Variants in ZC3H13 observed in about 807,000 individuals in gnomAD.
The protein encoded by ZC3H13 is zinc finger CCCH domain-containing protein 13.
In ZC3H13, 64 loss-of-function variants were observed where a neutral mutation model predicts 204.1. The ratio of observed to expected loss-of-function variants is 0.31; its 90% confidence interval spans 0.26 to 0.39. ZC3H13 has a LOEUF of 0.39. Ranked by LOEUF, ZC3H13 falls within the 10% of genes least tolerant of loss-of-function variation. ZC3H13 has a pLI of 1.00. For missense variants in ZC3H13, 1,833 were observed against 2,082.7 expected (o/e 0.88, Z 2.33); for synonymous variants, 667 against 693.7 (o/e 0.96, Z 0.60).
chr13:46,029,427 CTTTTT>C (rs964729202), intron 4 of ZC3H13, among the ~76,000 whole-genome samples: 1 of 138,838 alleles, frequency 7.2e-6, no homozygotes. Context: ...TGGACTACTT[CTTTTT>C]TTTTTTTTTT....
intron 9 of ZC3H13, among the ~76,000 whole-genome samples, chr13:45,986,606 T>C (rs908705566): frequency 2.6e-5 from 4 of 152,136 alleles, no homozygotes; most frequent in African/African-American, 9.7e-5. Context: ...TAGAAACCAC[T>C]CTTTACATAT....
intron 8 of ZC3H13, among the ~76,000 whole-genome samples, chr13:45,994,912 G>T (rs1566234718): frequency 1.3e-5 from 2 of 151,848 alleles, no homozygotes; most frequent in Non-Finnish European, 2.9e-5. Context: ...AGGCCACTGG[G>T]TGCCAAGCAA....
rs753099379 is a variant in ZC3H13, at chr13:45,985,457, A to G, written c.1560T>C (p.Asp520=). ...REGRDTHRKE[D]TYPEESRSYG... ...AACTCCGGGATTCTTCTGGATATGT[A>G]TCCTCCTTTCGATGAGTATCTCGAC... Residue 520 remains aspartate (D), a synonymous_variant, in exon 10 of 19, where the codon GAT becomes GAC. Transcript: ENST00000679008. 3.1e-6 allele frequency: 5 copies of G among 1,614,158 alleles called. No individual in the cohort carries two copies. Among genetic ancestry groups the G allele is most frequent in the South Asian group, 1.1e-5 (1 of 91,080 alleles).
At chr13:46,008,505 T>C (rs1384328844) in intron 7 of ZC3H13, among the ~76,000 whole-genome samples, 1 of 152,100 alleles carries the variant, frequency 6.6e-6, no homozygotes, top group East Asian at 1.9e-4. Context: ...ATGACAAATA[T>C]TTATAATAGG....
At chr13:46,026,743 T>C (rs559073127) in intron 4 of ZC3H13, among the ~76,000 whole-genome samples, 2 of 152,194 alleles carry the variant, frequency 1.3e-5, no homozygotes, top group East Asian at 3.9e-4. Flanking sequence ...AGAGGAGAAC[T>C]TCCCGAAAAT....
chr13:45,957,970 G>A lies in ZC3H13; in HGVS notation c.4840-673C>T, dbSNP rs1593426696. On this transcript the variant is annotated intron_variant, in intron 18 of 18. Transcript: ENST00000679008. Reference sequence around the variant, plus strand: ...CATTTTTTGGAAAGTTATTGTCATAGAGAAGGGACCAGGGAATGTTACAAA... The same window carrying A: ...CATTTTTTGGAAAGTTATTGTCATAAAGAAGGGACCAGGGAATGTTACAAA... Among the ~76,000 whole-genome samples the A allele has an allele frequency of 2.6e-5, 4 of 152,264 alleles. No homozygotes were observed. The South Asian group carries it at 8.3e-4, about 32-fold the overall frequency.
At chr13:46,000,796 C>T (rs1275290087) in intron 8 of ZC3H13, among the ~76,000 whole-genome samples, 1 of 152,232 alleles carries the variant, frequency 6.6e-6, no homozygotes, top group African/African-American at 2.4e-5. Context: ...AGTATGCCTT[C>T]CTCACTAAGC....
rs1952949481 is a variant in ZC3H13 at position 45,975,481 on chromosome 13, T to C, written c.2270A>G (p.Glu757Gly). 1.9e-6 allele frequency: 3 copies of C among 1,613,562 alleles called. 1 individual carries two copies. The highest frequency in any genetic ancestry group is 3.3e-4 in the Middle Eastern group (2 of 6,062). Residue 757 changes from glutamate (E) to glycine (G), a missense_variant, in exon 12 of 19, where the codon GAG becomes GGG. Physicochemically the swap from Glu to Gly is moderately conservative, Grantham distance 98. Coordinates refer to ENST00000679008, the MANE Select transcript of ZC3H13 (RefSeq NM_001330564.2). ...CTCCCGTTCTCGCTCTCTCTCCCTC[T>C]CTCTCTCTTCTCTTTCTCGTTCCCG... Reference protein sequence around the residue: ...KEREREREERERERERERERE... With the variant: ...KEREREREERGRERERERERE...
chr13:46,021,810 A>T lies in ZC3H13; in HGVS notation c.340-1253T>A, dbSNP rs529248716. On this transcript the variant is annotated intron_variant, in intron 4 of 18. Transcript: ENST00000679008. ...AATATAATTTACTTTTACTCTTAAA[A>T]CATATTATGTGGAACATCAATGAAG... Among the ~76,000 whole-genome samples, 5 of 152,070 alleles carry T rather than the reference A, an allele frequency of 3.3e-5. No homozygotes were observed. The South Asian group carries it at 8.3e-4, about 25-fold the overall frequency.
intron 14 of ZC3H13, 152 bp from the exon 15 acceptor site, chr13:45,968,180 A>C: frequency 1.6e-6 from 1 of 620,222 alleles, no homozygotes; most frequent in South Asian, 4.4e-5. Context: ...TGTTCTATAT[A>C]TTTCTATATT....
chr13:45,988,358 A>T (rs931831184), intron 9 of ZC3H13, among the ~76,000 whole-genome samples: 1 of 152,132 alleles, frequency 6.6e-6, no homozygotes, highest in Non-Finnish European at 1.5e-5. Context: ...CCCGGGTTCA[A>T]GCAATTCTCC....
intron 4 of ZC3H13, among the ~76,000 whole-genome samples, chr13:46,036,702 TA>T (rs1326209780): frequency 6.6e-6 from 1 of 152,162 alleles, no homozygotes; most frequent in Non-Finnish European, 1.5e-5. Context: ...TAACATCAGT[TA>T]AAATATTATT....
At chr13:46,048,978 C>A (rs1447312857) in intron 1 of ZC3H13, among the ~76,000 whole-genome samples, 2 of 151,978 alleles carry the variant, frequency 1.3e-5, no homozygotes, top group South Asian at 4.1e-4. Context: ...ATGGTGAAAC[C>A]CCGTCTCTAC....
chr13:45,993,078 C>T (rs1024985278), intron 8 of ZC3H13, among the ~76,000 whole-genome samples: 16 of 152,090 alleles, frequency 1.1e-4, no homozygotes, highest in African/African-American at 3.6e-4. Context: ...CGAGGGAGGA[C>T]TGGAAACCAG....
chr13:45,986,945 C>A (rs944147211), intron 9 of ZC3H13, among the ~76,000 whole-genome samples: 2 of 152,160 alleles, frequency 1.3e-5, no homozygotes, highest in African/African-American at 4.8e-5. Context: ...ATATCCATAT[C>A]CACAAACCCT....
rs1386037949 is a variant in ZC3H13, at chr13:45,967,600, A to G, written c.4225T>C (p.Ser1409Pro). Reference protein sequence around the residue: ...ERDLESTSRDSLALDKERMDK... With the variant: ...ERDLESTSRDPLALDKERMDK... The stretch of plus-strand genomic sequence containing the variant: ...ATTCTCTCTTTATCCAAGGCTAGAG[A>G]GTCTCGGGAAGTGCTTTCTAGATCC... The change falls in exon 15 of 19, where the codon TCT becomes CCT. Residue 1409 changes from serine (S) to proline (P), a missense_variant. Coordinates refer to ENST00000679008, the MANE Select transcript of ZC3H13 (RefSeq NM_001330564.2). The G allele has an allele frequency of 6.2e-7, 1 of 1,614,000 alleles. No individual in the cohort carries two copies. Among genetic ancestry groups the G allele is most frequent in the African/African-American group, 1.3e-5 (1 of 75,030 alleles).
intron 17 of ZC3H13, among the ~76,000 whole-genome samples, chr13:45,960,221 T>C (rs1031284355): frequency 1.3e-5 from 2 of 152,020 alleles, no homozygotes; most frequent in Non-Finnish European, 2.9e-5. Context: ...CCTCCCAAAG[T>C]GCTGGGATTA....
intron 2 of ZC3H13, 28 bp downstream of exon 2, chr13:46,045,363 C>A (rs1476699391): frequency 6.5e-7 from 1 of 1,539,846 alleles, no homozygotes; most frequent in Non-Finnish European, 9.0e-7. Context: ...CTAAGAGAAC[C>A]CCTGTGACTA....
At chr13:46,003,434 G>A (rs1347388064) in intron 7 of ZC3H13, 98 bp from the exon 8 acceptor site, 7 of 1,141,762 alleles carry the variant, frequency 6.1e-6, no homozygotes, top group Non-Finnish European at 7.4e-6. Context: ...TACATTACTT[G>A]CCCTTTATTA....
Sources: gnomAD v4.1 joint callset for allele counts (sites outside exome capture counted in the v4.1 genomes callset) on GRCh38, gnomAD v4.1.1 for gene constraint, MANE v1.5 for transcripts, NCBI Gene and HGNC (gene_info 2026-07-23, HGNC 2026-07-21) for gene names.